The following WDR62 variants were observed in gnomAD, a reference collection of about 807,000 sequenced individuals.
WDR62 encodes the protein WD repeat domain 62.
WDR62 carries 112 observed loss-of-function variants against 160.6 expected under a neutral mutation model. The ratio of observed to expected loss-of-function variants is 0.70; its 90% CI spans 0.60 to 0.82. WDR62 has a LOEUF of 0.82. WDR62 is among the 40% of genes least tolerant of loss of function. The probability of loss-of-function intolerance (pLI) is 0.00; values close to 1 mark genes in which losing one functional copy is unlikely to be tolerated. For synonymous variants in WDR62, 792 were observed against 815.1 expected, an observed-to-expected ratio of 0.97 and a Z score of 0.48; for missense variants, 1,819 against 1,983.8, an observed-to-expected ratio of 0.92 and a Z score of 1.58.
intron 20 of WDR62, 58 bp downstream of exon 20, chr19:36,094,222 T>G (rs1007503977): frequency 6.2e-7 from 1 of 1,609,052 alleles, no homozygotes; most frequent in East Asian, 2.2e-5. Context: ...TGCTGGGTTT[T>G]GCCCATGACC....
chr19:36,107,906 C>G (rs1973742932), downstream of WDR62, among the ~76,000 whole-genome samples: 1 of 152,054 alleles, frequency 6.6e-6, no homozygotes. Flanking sequence ...GACAGGGTCC[C>G]AGCAGAAAGA....
chr19:36,088,625 A>C (rs1181608245), intron 13 of WDR62, among the ~76,000 whole-genome samples: 1 of 152,162 alleles, frequency 6.6e-6, no homozygotes, highest in Non-Finnish European at 1.5e-5. Context: ...GACCCGCTAC[A>C]TGCATGGGGC....
chr19:36,080,630 G>A (rs1045871291), intron 9 of WDR62, among the ~76,000 whole-genome samples: 1 of 150,206 alleles, frequency 6.7e-6, no homozygotes, highest in African/African-American at 2.5e-5. Flanking sequence ...AGCTAATTGT[G>A]TATTTTTAGT....
At chr19:36,066,941 G>A (rs1386361816) in intron 5 of WDR62, among the ~76,000 whole-genome samples, 1 of 152,164 alleles carries the variant, frequency 6.6e-6, no homozygotes. Flanking sequence ...GGGTTATCCT[G>A]TGAAGGGCTC....
chr19:36,093,132 C>T (rs144718489), intron 19 of WDR62, among the ~76,000 whole-genome samples: 2 of 152,266 alleles, frequency 1.3e-5, no homozygotes, highest in Non-Finnish European at 2.9e-5. Context: ...CCACTGCACC[C>T]GGCTATGAGA....
the WDR62 span, among the ~76,000 whole-genome samples, chr19:36,110,523 G>A: frequency 3.3e-5 from 5 of 152,320 alleles, no homozygotes; most frequent in South Asian, 8.3e-4. Flanking sequence ...GACTGTGGGA[G>A]GGAGGAAGAG....
chr19:36,106,004 C>G (rs1324786642), downstream of WDR62, among the ~76,000 whole-genome samples: 2 of 152,168 alleles, frequency 1.3e-5, no homozygotes, highest in Admixed American at 6.5e-5. Flanking sequence ...TGGCCAAAAC[C>G]CCGTCTCTTT....
intron 9 of WDR62, chr19:36,073,813 G>A (rs1971431792): frequency 4.1e-6 from 2 of 483,368 alleles, no homozygotes. Context: ...GAATGCAGGT[G>A]GTATTCTAGA....
chr19:36,068,969 C>T (rs908685969), intron 7 of WDR62, among the ~76,000 whole-genome samples: 4 of 151,720 alleles, frequency 2.6e-5, no homozygotes, highest in South Asian at 2.1e-4. Context: ...GACGGGGCGG[C>T]GGCAGGGCGG....
Position 36,103,075 on chromosome 19 carries a change from G to C in WDR62, c.3462+1G>C, listed in dbSNP as rs369923535. The stretch of plus-strand genomic sequence containing the variant: ...CTACGCCTCCCCAGACAGGACCCAC[G>C]TGAGTATTGGGCCCACCTCCGTCAG... On this transcript the variant is annotated splice_donor_variant, in intron 28 of 31. Coordinates refer to ENST00000401500, the MANE Select transcript of WDR62 (RefSeq NM_001083961.2). LOFTEE classifies it high-confidence loss of function. The C allele has an allele frequency of 1.2e-6, 2 of 1,614,028 alleles. No homozygotes were observed. The highest frequency in any genetic ancestry group is 8.5e-7 in the Non-Finnish European group (1 of 1,180,006).
intron 18 of WDR62, among the ~76,000 whole-genome samples, chr19:36,091,852 A>T (rs899925702): frequency 2.0e-5 from 3 of 151,890 alleles, no homozygotes; most frequent in Non-Finnish European, 4.4e-5. Flanking sequence ...AGTGCATTCC[A>T]GCCTTGGTGA....
At chr19:36,088,407 A>G (rs115241234) in intron 13 of WDR62, among the ~76,000 whole-genome samples, 1,614 of 152,328 alleles carry the variant, frequency 0.011, 29 homozygotes, top group African/African-American at 0.037. Context: ...CAGAGAAGGA[A>G]CTGTCACCAT....
chr19:36,056,033 C>T (rs185100418), intron 1 of WDR62, among the ~76,000 whole-genome samples: 282 of 152,260 alleles, frequency 1.9e-3, no homozygotes, highest in South Asian at 9.3e-3. Context: ...GGCATGCTAG[C>T]GCGCGCCTGT....
At chr19:36,073,233 A>G (rs1971392490) in intron 8 of WDR62, 109 bp from the exon 9 acceptor site, 1 of 1,048,270 alleles carries the variant, frequency 9.5e-7, no homozygotes, top group Non-Finnish European at 1.5e-6. Flanking sequence ...GATGGCCACA[A>G]ATACCATGAG....
intron 7 of WDR62, among the ~76,000 whole-genome samples, chr19:36,068,797 T>G (rs1971087737): frequency 6.6e-6 from 1 of 152,218 alleles, no homozygotes; most frequent in South Asian, 2.1e-4. Context: ...CTCTATCTTT[T>G]CCCCACCTTT....
intron 10 of WDR62, 152 bp downstream of exon 10, chr19:36,081,722 C>T (rs1971912607): frequency 2.2e-6 from 2 of 927,286 alleles, no homozygotes; most frequent in African/African-American, 1.6e-5. Flanking sequence ...CTCTGCATCA[C>T]TGCCTCTTGT....
intron 1 of WDR62, among the ~76,000 whole-genome samples, chr19:36,055,971 G>A (rs1226169416): frequency 6.6e-6 from 1 of 152,154 alleles, no homozygotes; most frequent in Non-Finnish European, 1.5e-5. Flanking sequence ...TTCAAGACCA[G>A]CCTGGCCAAC....
At chr19:36,081,325 C>A in intron 9 of WDR62, 108 bp from the exon 10 acceptor site, 2 of 1,336,798 alleles carry the variant, frequency 1.5e-6, no homozygotes, top group Non-Finnish European at 2.1e-6. Context: ...AGGTATTGCA[C>A]GATACCTGTT....
intron 9 of WDR62, chr19:36,076,049 GT>G (rs1971554854): frequency 6.6e-6 from 1 of 152,026 alleles, no homozygotes; most frequent in Non-Finnish European, 1.5e-5. Flanking sequence ...TATCAGATAT[GT>G]TTTAATCTAT....
Sources: allele counts gnomAD v4.1 joint callset (sites outside exome capture counted in the v4.1 genomes callset), GRCh38; gene constraint gnomAD v4.1.1; transcripts MANE v1.5; gene names NCBI Gene and HGNC (gene_info 2026-07-23, HGNC 2026-07-21).